RUBCN: variants seen among roughly 807,000 people sequenced by gnomAD.
RUBCN encodes run domain Beclin-1-interacting and cysteine-rich domain-containing protein.
Under a neutral mutation model 113.2 loss-of-function variants are expected in RUBCN, and 74 were observed. That is an observed-to-expected ratio of 0.65 (90% confidence interval 0.54 to 0.79). RUBCN has a LOEUF of 0.79. Ranked by LOEUF, RUBCN falls within the 30% of genes least tolerant of loss-of-function variation. RUBCN has a pLI of 0.00. For missense variants in RUBCN, 1,109 were observed against 1,251.7 expected, an observed-to-expected ratio of 0.89 and a Z score of 1.72; for synonymous variants, 480 against 490.0, an observed-to-expected ratio of 0.98 and a Z score of 0.27.
intron 1 of RUBCN, among the ~76,000 whole-genome samples, chr3:197,733,638 G>A (rs1727771756): frequency 6.6e-6 from 1 of 152,170 alleles, no homozygotes; most frequent in Non-Finnish European, 1.5e-5. Context: ...TACCAGTTGT[G>A]TATCTGGAGC....
intron 1 of RUBCN, among the ~76,000 whole-genome samples, chr3:197,724,279 A>G (rs141579982): frequency 6.6e-6 from 1 of 152,206 alleles, no homozygotes; most frequent in South Asian, 2.1e-4. Flanking sequence ...ATAATAAGTA[A>G]CACTCAAGAT....
At position 197,674,909 on chromosome 3, in the gene RUBCN, A is replaced by T. The variant is rs1283704340; in HGVS notation, c.*109T>A. On this transcript the variant is annotated 3_prime_UTR_variant, in exon 20 of 20. Coordinates refer to ENST00000296343, the MANE Select transcript of RUBCN (RefSeq NM_014687.4). ...AAAAAAAAAAAAGATGATGATAATT[A>T]AAAAAAAAAAAAAAAAAAGAAGCCC... 2.2e-4 allele frequency: 29 copies of T among 134,656 alleles called. No individual in the cohort carries two copies. The highest frequency in any genetic ancestry group is 3.0e-4 in the Non-Finnish European group (22 of 73,016). The allele number at this position is 134,656 out of a possible 1,614,324, so 8.3% of individuals were successfully genotyped here.
rs567032113 is a variant in RUBCN at position 197,710,808 on chromosome 3, G to A, written c.220-5633C>T. Among the ~76,000 whole-genome samples, 112 of 152,148 alleles carry A rather than the reference G, an allele frequency of 7.4e-4. 1 individual carries two copies. Among genetic ancestry groups the A allele is most frequent in the Non-Finnish European group, 1.2e-3 (85 of 68,010 alleles). On this transcript the variant is annotated intron_variant, in intron 2 of 19. Coordinates refer to ENST00000296343, the MANE Select transcript of RUBCN (RefSeq NM_014687.4). The stretch of plus-strand genomic sequence containing the variant: ...CTTATAATATCTTTTCATGCTAAGA[G>A]AAGTGTAATCTTTTACTTTTTTTTT...
rs184491355 is a variant in RUBCN at position 197,732,414 on chromosome 3, C to T, written c.65+4241G>A. Among the ~76,000 whole-genome samples the T allele has an allele frequency of 4.8e-3, 733 of 152,290 alleles. 3 individuals are homozygous for T. The highest frequency in any genetic ancestry group is 8.0e-3 in the Non-Finnish European group (545 of 68,014). The stretch of plus-strand genomic sequence containing the variant: ...CTGCAAGCTCCGCCTCCCGGGTTCA[C>T]GCCATTCTCCTGCCTCAACCTCCCC... On this transcript the variant is annotated intron_variant, in intron 1 of 19. Coordinates refer to ENST00000296343, the MANE Select transcript of RUBCN (RefSeq NM_014687.4).
chr3:197,707,357 T>C (rs1408396433), intron 2 of RUBCN, among the ~76,000 whole-genome samples: 1 of 151,928 alleles, frequency 6.6e-6, no homozygotes, highest in African/African-American at 2.4e-5. Flanking sequence ...GCATGTAAAA[T>C]TGGTTTCTTT....
intron 12 of RUBCN, 28 bp downstream of exon 12, chr3:197,684,129 C>CT (rs369769813): frequency 1.6e-4 from 255 of 1,555,304 alleles, no homozygotes; most frequent in Non-Finnish European, 2.0e-4. Flanking sequence ...GTTTTCTTTT[C>CT]TTTTTTTTGG....
chr3:197,675,455 GA>G lies in RUBCN; in HGVS notation c.2706del (p.Phe904LeufsTer117). ...EFCQNEDDIIFPFELHKCRTC... is the reference protein window; with the variant it reads ...EFCQNEDDIIXPFELHKCRTC... ...GTCCGGCACTTATGGAGCTCAAAGG[GA>G]AAGATGATGTCATCCTCATTCTGAC... On this transcript the variant is annotated frameshift_variant, in exon 19 of 20. Coordinates refer to ENST00000296343, the MANE Select transcript of RUBCN (RefSeq NM_014687.4). LOFTEE classifies it high-confidence loss of function. This position sits in a 1 kb window ranked among gnomAD's most constrained non-coding sequence, Gnocchi z 4.4. 2 of 1,614,084 alleles carry G rather than the reference GA, an allele frequency of 1.2e-6. No homozygotes were observed. The highest frequency in any genetic ancestry group is 1.7e-6 in the Non-Finnish European group (2 of 1,180,024).
intron 16 of RUBCN, among the ~76,000 whole-genome samples, chr3:197,680,230 TCTAA>T (rs200417459): frequency 5.9e-4 from 84 of 141,314 alleles, no homozygotes; most frequent in East Asian, 5.0e-3. Flanking sequence ...TGTCCTGTGC[TCTAA>T]CTGACAACTG....
intron 7 of RUBCN, among the ~76,000 whole-genome samples, 165 bp from the exon 8 acceptor site, chr3:197,697,214 G>A (rs956458613): frequency 6.6e-6 from 1 of 152,178 alleles, no homozygotes; most frequent in African/African-American, 2.4e-5. Flanking sequence ...GAAACACAGG[G>A]AGGGAAGGAG....
At chr3:197,708,799 T>C (rs1028314515) in intron 2 of RUBCN, among the ~76,000 whole-genome samples, 7 of 152,190 alleles carry the variant, frequency 4.6e-5, no homozygotes, top group Non-Finnish European at 7.3e-5. Context: ...TTATGCACTT[T>C]GAGGAAATGA....
intron 1 of RUBCN, among the ~76,000 whole-genome samples, chr3:197,729,145 CAAAA>C (rs572262416): frequency 2.7e-5 from 2 of 75,432 alleles, no homozygotes; most frequent in Non-Finnish European, 2.8e-5. Context: ...GACTCCGTCT[CAAAA>C]AAAAAAAAAA....
intron 1 of RUBCN, among the ~76,000 whole-genome samples, chr3:197,722,331 T>C (rs570206271): frequency 6.6e-6 from 1 of 152,216 alleles, no homozygotes; most frequent in Admixed American, 6.5e-5. Context: ...CCATATGATA[T>C]CATATATCCT....
chr3:197,748,456 T>A (rs916674979), intron 1 of RUBCN: 1 of 150,778 alleles, frequency 6.6e-6, no homozygotes, highest in Non-Finnish European at 1.5e-5. Flanking sequence ...CTTGTCATGA[T>A]AAAAAAAAAG....
intron 1 of RUBCN, among the ~76,000 whole-genome samples, chr3:197,719,970 C>T (rs938517503): frequency 2.0e-5 from 3 of 152,216 alleles, no homozygotes; most frequent in African/African-American, 7.2e-5. Context: ...TTCTGAACTA[C>T]ACCATACACT....
At chr3:197,739,043 C>T (rs1482951457), upstream of RUBCN, among the ~76,000 whole-genome samples, 18 of 151,666 alleles carry the variant, frequency 1.2e-4, no homozygotes. Flanking sequence ...CGGGTTCAAG[C>T]GATTCTCCTG....
chr3:197,674,397 AG>A lies in RUBCN; in HGVS notation c.*620del, dbSNP rs3833589. ...TTCAAACAGGAACTCCCGGCAACAT[AG>A]GGACATTCACAGCTGCCTCTGAGGT... On this transcript the variant is annotated 3_prime_UTR_variant, in exon 20 of 20. Coordinates refer to ENST00000296343, the MANE Select transcript of RUBCN (RefSeq NM_014687.4). 0.018 allele frequency: 4,868 copies of A among 271,274 alleles called. 88 individuals carry two copies. The highest frequency in any genetic ancestry group is 0.053 in the South Asian group (1,226 of 23,158). 16.8% of individuals were successfully genotyped at this position (271,274 alleles called of 1,614,324 possible).
chr3:197,675,979 C>T lies in RUBCN; in HGVS notation c.2647-464G>A, dbSNP rs1166832193. ...CAGGGTTTCCTACCTGTGCCCAGCT[C>T]GAATTATGGGACGGTCACAGGAACA... On this transcript the variant is annotated intron_variant, in intron 18 of 19. Coordinates refer to ENST00000296343, the MANE Select transcript of RUBCN (RefSeq NM_014687.4). This position sits in a 1 kb window ranked among gnomAD's most constrained non-coding sequence, Gnocchi z 4.4. 2.6e-5 allele frequency among the ~76,000 whole-genome samples: 4 copies of T among 152,102 alleles called. 1 individual carries two copies. The highest frequency in any genetic ancestry group is 4.1e-4 in the South Asian group (2 of 4,824).
chr3:197,674,797 T>C lies in RUBCN; in HGVS notation c.*221A>G. ...TGTCAGTTCTGATGGAAACACCTGG[T>C]GTTTACAAATTATCTGTCACCACAG... On this transcript the variant is annotated 3_prime_UTR_variant, in exon 20 of 20. Coordinates refer to ENST00000296343, the MANE Select transcript of RUBCN (RefSeq NM_014687.4). 1 of 535,854 alleles carries C rather than the reference T, an allele frequency of 1.9e-6. No individual in the cohort carries two copies. Among genetic ancestry groups the C allele is most frequent in the South Asian group, 2.6e-5 (1 of 37,740 alleles). The allele number at this position is 535,854 out of a possible 1,614,324, so 33.2% of individuals were successfully genotyped here. A position where few individuals can be genotyped will look rare whatever the true frequency, so the allele number is the denominator to read the frequency against.
upstream of RUBCN, chr3:197,737,130 G>T (rs1728245695): frequency 1.2e-5 from 3 of 242,602 alleles, no homozygotes; most frequent in Admixed American, 6.2e-5. Context: ...GGTTGGCTGG[G>T]CCGGCTTGCA....
Sources: allele counts gnomAD v4.1 joint callset (sites outside exome capture counted in the v4.1 genomes callset), GRCh38; gene constraint gnomAD v4.1.1; non-coding constraint Gnocchi (gnomAD v3.1); transcripts MANE v1.5; gene names NCBI Gene and HGNC (gene_info 2026-07-23, HGNC 2026-07-21).